The following ERC2 variants were observed in gnomAD, a reference collection of about 807,000 sequenced individuals.
The protein encoded by ERC2 is ELKS/RAB6-interacting/CAST family member 2, also known as ERC protein 2.
In ERC2, 42 loss-of-function variants were observed where a neutral mutation model predicts 114.8. That is an observed-to-expected ratio of 0.37 (90% CI 0.29 to 0.47). ERC2 has a LOEUF of 0.47. Among genes scored for constraint, ERC2 ranks in the 20% least tolerant of loss-of-function variants. ERC2 has a pLI of 0.99. For missense variants in ERC2, 939 were observed against 1,150.7 expected (o/e 0.82, Z 2.66); for synonymous variants, 454 against 425.5 (o/e 1.07, Z -0.82).
chr3:56,227,791 T>C (rs960183151), intron 3 of ERC2, among the ~76,000 whole-genome samples: 1 of 152,082 alleles, frequency 6.6e-6, no homozygotes, highest in Non-Finnish European at 1.5e-5. Flanking sequence ...CCAAGAGAAA[T>C]GAGCGAAGAT....
At chr3:55,723,042 T>C (rs551116860) in intron 15 of ERC2, among the ~76,000 whole-genome samples, 10 of 152,194 alleles carry the variant, frequency 6.6e-5, no homozygotes, top group Non-Finnish European at 1.3e-4. Context: ...AGTGTGATTA[T>C]AAAAGTGAAA....
rs777648501 is a variant in ERC2, at chr3:55,535,815, G to A, written c.*40-24539C>T. ...TTAAGACCAGCCTGGCCAACATGGC[G>A]AAATTCTGTCTCTACTAAAAATACA... is the stretch of plus-strand genomic sequence containing the variant. On this transcript the variant is annotated intron_variant, in intron 17 of 17. Coordinates refer to ENST00000288221, the MANE Select transcript of ERC2 (RefSeq NM_015576.3). Among the ~76,000 whole-genome samples, 4 of 152,136 alleles carry A rather than the reference G, an allele frequency of 2.6e-5. No individual in the cohort carries two copies. The South Asian group carries it at 8.3e-4, about 32-fold the overall frequency.
intron 2 of ERC2, among the ~76,000 whole-genome samples, chr3:56,297,407 A>G (rs73086436): frequency 0.062 from 9,416 of 152,258 alleles, 714 homozygotes; most frequent in African/African-American, 0.18. Flanking sequence ...GTATTACTAG[A>G]GAGGGAAGCA....
Position 55,552,368 on chromosome 3 carries a change from C to T in ERC2, c.*40-41092G>A, listed in dbSNP as rs1349769165. Among the ~76,000 whole-genome samples the T allele has an allele frequency of 2.6e-5, 4 of 152,128 alleles. 1 individual carries two copies. In the South Asian group the frequency reaches 6.2e-4, roughly 24 times the overall value. On this transcript the variant is annotated intron_variant, in intron 17 of 17. Coordinates refer to ENST00000288221, the MANE Select transcript of ERC2 (RefSeq NM_015576.3). Reference sequence around the variant, plus strand: ...ATTGTTTTCATTTTCATGTTGCACCCGCCTGCTCCCCATCCATTTATTGCT... The same window carrying T: ...ATTGTTTTCATTTTCATGTTGCACCTGCCTGCTCCCCATCCATTTATTGCT...
intron 12 of ERC2, among the ~76,000 whole-genome samples, chr3:55,957,474 A>G (rs2068038571): frequency 6.6e-6 from 1 of 152,200 alleles, no homozygotes; most frequent in African/African-American, 2.4e-5. Flanking sequence ...TAACAGTGTC[A>G]CAGGATCCTT....
chr3:56,054,141 G>A (rs1406403034), intron 7 of ERC2, among the ~76,000 whole-genome samples: 1 of 152,280 alleles, frequency 6.6e-6, no homozygotes, highest in African/African-American at 2.4e-5. Flanking sequence ...GAAAAACAGA[G>A]AATGATATAA....
chr3:56,207,252 C>A (rs2048794253), intron 3 of ERC2, among the ~76,000 whole-genome samples: 1 of 151,410 alleles, frequency 6.6e-6, no homozygotes. Flanking sequence ...TAACCTTTTC[C>A]CTAATTACAA....
intron 17 of ERC2, among the ~76,000 whole-genome samples, chr3:55,607,352 C>G (rs2058683163): frequency 6.6e-6 from 1 of 152,114 alleles, no homozygotes. Flanking sequence ...CCTGGAGAAC[C>G]CATGGAGTTA....
At chr3:56,075,513 A>T (rs1008236128) in intron 7 of ERC2, among the ~76,000 whole-genome samples, 2 of 152,210 alleles carry the variant, frequency 1.3e-5, no homozygotes, top group African/African-American at 4.8e-5. Flanking sequence ...TGCTTAAGGT[A>T]GCCAGAAGTG....
chr3:55,701,490 T>A (rs1414159865), intron 15 of ERC2, among the ~76,000 whole-genome samples: 2 of 152,134 alleles, frequency 1.3e-5, no homozygotes, highest in African/African-American at 4.8e-5. Context: ...GTCTTATGAT[T>A]TACTCACTCC....
intron 2 of ERC2, among the ~76,000 whole-genome samples, chr3:56,353,797 C>T (rs941859481): frequency 1.4e-5 from 1 of 73,716 alleles, no homozygotes; most frequent in African/African-American, 4.3e-5. Context: ...TAGAACTTAA[C>T]GTATAATAAA....
At chr3:56,317,344 T>C (rs976023632) in intron 2 of ERC2, among the ~76,000 whole-genome samples, 1 of 152,082 alleles carries the variant, frequency 6.6e-6, no homozygotes, top group African/African-American at 2.4e-5. Context: ...GACAGCTTGA[T>C]GGCTAAACAT....
chr3:55,642,586 A>C lies in ERC2; in HGVS notation c.*39+41208T>G, dbSNP rs58391573. On this transcript the variant is annotated intron_variant, in intron 17 of 17. Coordinates refer to ENST00000288221, the MANE Select transcript of ERC2 (RefSeq NM_015576.3). ...CTGGCCTCAAGTGATCTGCCTGCCT[A>C]CCAAAGTGCTGGGATTACAGGTGTG... Among the ~76,000 whole-genome samples the C allele has an allele frequency of 5.0e-3, 764 of 152,054 alleles. 6 individuals carry two copies. The highest frequency in any genetic ancestry group is 0.017 in the African/African-American group (721 of 41,506).
At chr3:55,692,385 T>C (rs560213775) in intron 16 of ERC2, among the ~76,000 whole-genome samples, 1 of 152,242 alleles carries the variant, frequency 6.6e-6, no homozygotes, top group East Asian at 1.9e-4. Flanking sequence ...GTGGGTTTTA[T>C]GAAAAAAGAA....
At chr3:55,860,135 T>C (rs1371152459) in intron 14 of ERC2, among the ~76,000 whole-genome samples, 1 of 152,146 alleles carries the variant, frequency 6.6e-6, no homozygotes. Flanking sequence ...GCTGGAAATC[T>C]GCCCCAGTGA....
intron 4 of ERC2, among the ~76,000 whole-genome samples, chr3:56,168,037 C>A (rs901330833): frequency 8.5e-5 from 13 of 152,182 alleles, no homozygotes; most frequent in African/African-American, 3.1e-4. Context: ...AAAGAAAAAA[C>A]GTTTGAACCT....
intron 13 of ERC2, among the ~76,000 whole-genome samples, chr3:55,898,168 C>T (rs2063932445): frequency 6.6e-6 from 1 of 152,132 alleles, no homozygotes; most frequent in Admixed American, 6.5e-5. Flanking sequence ...TGTCAGAGTA[C>T]AAATGAATGA....
At chr3:55,683,655 G>A (rs2062172395) in intron 17 of ERC2, 139 bp downstream of exon 17, 4 of 684,898 alleles carry the variant, frequency 5.8e-6, no homozygotes, top group African/African-American at 1.9e-5. Flanking sequence ...CAGGGCACGC[G>A]GACATTCTGC....
At chr3:55,713,127 T>A (rs879263420) in intron 15 of ERC2, among the ~76,000 whole-genome samples, 5,852 of 85,724 alleles carry the variant, frequency 0.068, 167 homozygotes, top group East Asian at 0.21. Context: ...TCTCTCTCTC[T>A]GTCTCACACA....
Sources: gnomAD v4.1 joint callset for allele counts (sites outside exome capture counted in the v4.1 genomes callset) on GRCh38, gnomAD v4.1.1 for gene constraint, MANE v1.5 for transcripts, NCBI Gene and HGNC (gene_info 2026-07-23, HGNC 2026-07-21) for gene names.